The following ATP9A variants were observed in gnomAD, a reference collection of about 807,000 sequenced individuals.
ATP9A encodes ATPase phospholipid transporting 9A.
In ATP9A, 52 loss-of-function variants were observed where a neutral mutation model predicts 144.1. That is an observed-to-expected ratio of 0.36 (90% CI 0.29 to 0.45). ATP9A has a LOEUF of 0.45. ATP9A is among the 20% of genes least tolerant of loss of function. The pLI, the probability that ATP9A is intolerant of heterozygous loss-of-function variation, is 1.00. For synonymous variants in ATP9A, 582 were observed against 557.4 expected (o/e 1.04, Z -0.62); for missense variants, 947 against 1,392.7 (o/e 0.68, Z 5.09).
At chr20:51,626,075 C>T (rs2077247338) in intron 17 of ATP9A, among the ~76,000 whole-genome samples, 1 of 152,208 alleles carries the variant, frequency 6.6e-6, no homozygotes, top group Non-Finnish European at 1.5e-5. Context: ...AGGCCAGGCA[C>T]CAGAGACACG....
chr20:51,757,435 G>A (rs1435303853), intron 1 of ATP9A, among the ~76,000 whole-genome samples: 5 of 152,132 alleles, frequency 3.3e-5, no homozygotes, highest in African/African-American at 7.2e-5. Flanking sequence ...CTTGGGGACC[G>A]CCGCCAACAG....
chr20:51,649,775 G>A (rs911737630), intron 14 of ATP9A, among the ~76,000 whole-genome samples: 14 of 152,006 alleles, frequency 9.2e-5, no homozygotes, highest in Non-Finnish European at 1.6e-4. Flanking sequence ...TTAGCCGGGC[G>A]TGGTGGTAGA....
intron 14 of ATP9A, among the ~76,000 whole-genome samples, chr20:51,650,866 CAT>C (rs1568803184): frequency 6.6e-6 from 1 of 151,500 alleles, no homozygotes; most frequent in Non-Finnish European, 1.5e-5. Context: ...TGTGCACACA[CAT>C]ACTAACATGG....
chr20:51,613,255 T>C (rs2122714319), intron 23 of ATP9A, among the ~76,000 whole-genome samples: 1 of 152,348 alleles, frequency 6.6e-6, no homozygotes, highest in African/African-American at 2.4e-5. Context: ...AACCAGGGCC[T>C]GAATAGTCAT....
chr20:51,644,655 A>G (rs1356440509), intron 14 of ATP9A, among the ~76,000 whole-genome samples: 1 of 152,116 alleles, frequency 6.6e-6, no homozygotes, highest in Non-Finnish European at 1.5e-5. Flanking sequence ...AAACATCCCA[A>G]TACAATTCAA....
At position 51,616,292 on chromosome 20, in the gene ATP9A, C is replaced by T. The variant is rs184942726; in HGVS notation, c.2415+1198G>A. On this transcript the variant is annotated intron_variant, in intron 22 of 27. Transcript: ENST00000338821. Reference sequence around the variant, plus strand: ...GAGCATCTCTGCTGCCCCCTCCGGGCCTTGGCACTCCTATACTTCAAACAC... The same window carrying T: ...GAGCATCTCTGCTGCCCCCTCCGGGTCTTGGCACTCCTATACTTCAAACAC... Among the ~76,000 whole-genome samples the T allele has an allele frequency of 4.1e-4, 63 of 152,216 alleles. 1 individual carries two copies. Among genetic ancestry groups the T allele is most frequent in the Admixed American group, 3.7e-3 (57 of 15,274 alleles).
intron 6 of ATP9A, among the ~76,000 whole-genome samples, chr20:51,695,417 C>T (rs1052866651): frequency 1.4e-5 from 2 of 145,676 alleles, no homozygotes; most frequent in African/African-American, 5.1e-5. Context: ...AAGCCGAGAT[C>T]GTACCACTAC....
chr20:51,603,342 A>G (rs1703110760), intron 27 of ATP9A, among the ~76,000 whole-genome samples: 1 of 152,222 alleles, frequency 6.6e-6, no homozygotes, highest in Non-Finnish European at 1.5e-5. Context: ...TAGCGGCTTG[A>G]GTTTGCCCCG....
At chr20:51,726,889 C>CTTTTTTTTT (rs55719132) in intron 2 of ATP9A, among the ~76,000 whole-genome samples, 7 of 93,994 alleles carry the variant, frequency 7.4e-5, no homozygotes, top group Non-Finnish European at 1.0e-4. Context: ...TGTGTTATTT[C>CTTTTTTTTT]TTTTTTTTTT....
intron 1 of ATP9A, among the ~76,000 whole-genome samples, chr20:51,754,070 T>A (rs1019865572): frequency 1.9e-4 from 29 of 150,842 alleles, no homozygotes; most frequent in African/African-American, 7.0e-4. Context: ...ACATAAACTA[T>A]TCAAGAAGAG....
At chr20:51,625,022 A>G (rs2122728474) in intron 18 of ATP9A, among the ~76,000 whole-genome samples, 170 bp downstream of exon 18, 1 of 151,732 alleles carries the variant, frequency 6.6e-6, no homozygotes, top group Admixed American at 6.6e-5. Context: ...AAAAAAAAAA[A>G]AAAATCACAG....
rs750309511 is a variant in ATP9A at position 51,627,581 on chromosome 20, A to T, written c.1845+19T>A. 1.2e-6 allele frequency: 2 copies of T among 1,611,226 alleles called. No homozygotes were observed. Among genetic ancestry groups the T allele is most frequent in the Middle Eastern group, 1.7e-4 (1 of 6,054 alleles). On this transcript the variant is annotated intron_variant, in intron 17 of 27. Transcript: ENST00000338821. ...AGGTGGGGCTGCAAAGGCAATGGAA[A>T]GGTCCCAGAACAACTTACTTCAAAG...
At chr20:51,748,020 C>T (rs78085978) in intron 1 of ATP9A, among the ~76,000 whole-genome samples, 5,649 of 152,290 alleles carry the variant, frequency 0.037, 146 homozygotes, top group Non-Finnish European at 0.058. Flanking sequence ...ATCTATCCTT[C>T]CAAACCCAAC....
At chr20:51,713,776 C>T (rs981935360) in intron 3 of ATP9A, among the ~76,000 whole-genome samples, 1 of 152,164 alleles carries the variant, frequency 6.6e-6, no homozygotes, top group Admixed American at 6.5e-5. Flanking sequence ...ATATAAATAG[C>T]AACAAAGATT....
intron 4 of ATP9A, among the ~76,000 whole-genome samples, chr20:51,699,394 C>CAACTCT (rs1331927340): frequency 8.2e-4 from 121 of 148,282 alleles, no homozygotes; most frequent in African/African-American, 2.9e-3. Flanking sequence ...TATAAGTGCA[C>CAACTCT]AACTCTAGAC....
At chr20:51,728,051 G>C (rs1256637155) in intron 2 of ATP9A, among the ~76,000 whole-genome samples, 1 of 152,110 alleles carries the variant, frequency 6.6e-6, no homozygotes, top group Non-Finnish European at 1.5e-5. Context: ...ATGCACCCGA[G>C]AGTCAGACTG....
intron 1 of ATP9A, among the ~76,000 whole-genome samples, chr20:51,737,112 A>G (rs1009364456): frequency 1.3e-5 from 2 of 152,200 alleles, no homozygotes; most frequent in African/African-American, 4.8e-5. Flanking sequence ...TAACGGGTAG[A>G]AGCAGGAATG....
chr20:51,610,260 C>T (rs914729894), intron 23 of ATP9A, 95 bp from the exon 24 acceptor site: 33 of 951,072 alleles, frequency 3.5e-5, no homozygotes, highest in Middle Eastern at 2.1e-4. Context: ...ACATAACACC[C>T]GCGCCGGCAC....
At chr20:51,680,906 G>C (rs2077497257) in intron 9 of ATP9A, among the ~76,000 whole-genome samples, 1 of 152,104 alleles carries the variant, frequency 6.6e-6, no homozygotes, top group Non-Finnish European at 1.5e-5. Context: ...GGCAGGGCAG[G>C]CAATGCCATC....
Sources: allele counts gnomAD v4.1 joint callset (sites outside exome capture counted in the v4.1 genomes callset), GRCh38; gene constraint gnomAD v4.1.1; transcripts MANE v1.5; gene names NCBI Gene and HGNC (gene_info 2026-07-23, HGNC 2026-07-21).